The following PPFIBP1 variants were observed in gnomAD, a reference collection of about 807,000 sequenced individuals.
The protein encoded by PPFIBP1 is PPFIB scaffold protein 1.
In PPFIBP1, 112 loss-of-function variants were observed where a neutral mutation model predicts 137.8. The observed-to-expected ratio is 0.81, with a 90% CI of 0.70 to 0.95. The LOEUF (loss-of-function observed/expected upper bound fraction) is 0.95. PPFIBP1 is among the 40% of genes least tolerant of loss of function. The probability of loss-of-function intolerance (pLI) is 0.00; values close to 1 mark genes in which losing one functional copy is unlikely to be tolerated. For missense variants in PPFIBP1, 1,083 were observed against 1,196.6 expected, an observed-to-expected ratio of 0.91 and a Z score of 1.40; for synonymous variants, 378 against 417.3, an observed-to-expected ratio of 0.91 and a Z score of 1.15.
intron 21 of PPFIBP1, among the ~76,000 whole-genome samples, chr12:27,680,558 G>A (rs1200538849): frequency 6.6e-6 from 1 of 152,272 alleles, no homozygotes; most frequent in African/African-American, 2.4e-5. Context: ...AAGTTAATAT[G>A]TGTTAAATAT....
At chr12:27,640,943 A>T (rs546231117) in intron 4 of PPFIBP1, among the ~76,000 whole-genome samples, 2 of 152,306 alleles carry the variant, frequency 1.3e-5, no homozygotes, top group South Asian at 4.1e-4. Context: ...GTAACTAGAG[A>T]TAATGTTTAC....
rs1173009173 is a variant in PPFIBP1, at chr12:27,662,473, AG to A, written c.906+1529del. Among the ~76,000 whole-genome samples, 4 of 152,348 alleles carry A rather than the reference AG, an allele frequency of 2.6e-5. No homozygotes were observed. In the South Asian group the frequency reaches 8.3e-4, roughly 32 times the overall value. On this transcript the variant is annotated intron_variant, in intron 11 of 29. Coordinates refer to ENST00000228425, the MANE Select transcript of PPFIBP1 (RefSeq NM_003622.4). ...GAAGACAGACAAACAGTTAAGAGTCAGTTAAAATAGGTGAGAAATGAAGAGG... is the reference window on the plus strand; with the variant it reads ...GAAGACAGACAAACAGTTAAGAGTCATTAAAATAGGTGAGAAATGAAGAGG...
intron 2 of PPFIBP1, among the ~76,000 whole-genome samples, chr12:27,619,327 T>C (rs1202238566): frequency 6.6e-6 from 1 of 152,192 alleles, no homozygotes; most frequent in South Asian, 2.1e-4. Flanking sequence ...TAAATCTTTG[T>C]TGTGTTGTTT....
At chr12:27,595,402 A>C (rs2053092571) in intron 2 of PPFIBP1, among the ~76,000 whole-genome samples, 1 of 152,150 alleles carries the variant, frequency 6.6e-6, no homozygotes, top group African/African-American at 2.4e-5. Flanking sequence ...TCACATCCCG[A>C]GTCTCAGTGG....
At position 27,687,414 on chromosome 12, in the gene PPFIBP1, T is replaced by C. The variant is rs748874946; in HGVS notation, c.2277T>C (p.Ser759=). Residue 759 remains serine (S), a synonymous_variant, in exon 25 of 30, where the codon AGT becomes AGC. Coordinates refer to ENST00000228425, the MANE Select transcript of PPFIBP1 (RefSeq NM_003622.4). ...VDDLLSLKVV[S]VLHHLSIKRA... The stretch of plus-strand genomic sequence containing the variant: ...ACTTACTGTCTCTGAAGGTTGTAAG[T>C]GTGCTACACCATCTCAGTATCAAAA... 7 of 1,613,946 alleles carry C rather than the reference T, an allele frequency of 4.3e-6. No individual in the cohort carries two copies. Among genetic ancestry groups the C allele is most frequent in the Non-Finnish European group, 5.9e-6 (7 of 1,179,864 alleles).
At chr12:27,659,225 T>C (rs1003466996) in intron 10 of PPFIBP1, among the ~76,000 whole-genome samples, 1 of 152,206 alleles carries the variant, frequency 6.6e-6, no homozygotes, top group Admixed American at 6.5e-5. Flanking sequence ...TGAAATTTGC[T>C]TTTGCTTTTC....
At chr12:27,527,145 T>C (rs780849825) in intron 1 of PPFIBP1, among the ~76,000 whole-genome samples, 1 of 152,230 alleles carries the variant, frequency 6.6e-6, no homozygotes, top group Non-Finnish European at 1.5e-5. Context: ...TAGATTATGT[T>C]GATAATTTGT....
In PPFIBP1 at chr12:27,693,035, T is replaced by C; in HGVS notation, c.*153T>C. On this transcript the variant is annotated 3_prime_UTR_variant, in exon 30 of 30. Coordinates refer to ENST00000228425, the MANE Select transcript of PPFIBP1 (RefSeq NM_003622.4). ...GTTTAAACAGAAAGCAGGAGTAATG[T>C]GCCGATTCTGAAGTTGCCACAAAAA... is the stretch of plus-strand genomic sequence containing the variant. 9 of 1,269,388 alleles carry C rather than the reference T, an allele frequency of 7.1e-6. No homozygotes were observed. The highest frequency in any genetic ancestry group is 9.3e-6 in the Non-Finnish European group (9 of 963,090). The allele number at this position is 1,269,388 out of a possible 1,614,324, so 78.6% of individuals were successfully genotyped here. A position where few individuals can be genotyped will look rare whatever the true frequency, so the allele number is the denominator to read the frequency against.
At chr12:27,613,227 G>A (rs572644718) in intron 2 of PPFIBP1, among the ~76,000 whole-genome samples, 80 of 152,352 alleles carry the variant, frequency 5.3e-4, no homozygotes, top group African/African-American at 1.8e-3. Flanking sequence ...AAGGAGCTGG[G>A]TAGCCAAGAG....
At chr12:27,579,337 C>A (rs572893952) in intron 2 of PPFIBP1, among the ~76,000 whole-genome samples, 2 of 152,222 alleles carry the variant, frequency 1.3e-5, no homozygotes, top group South Asian at 4.1e-4. Flanking sequence ...AAAGTGCACA[C>A]ATCATTAAGT....
At chr12:27,592,532 G>T in intron 2 of PPFIBP1, 1 of 1,246,594 alleles carries the variant, frequency 8.0e-7, no homozygotes, top group Non-Finnish European at 1.2e-6. Flanking sequence ...CGTTTCCTTG[G>T]TGCTGGCTGA....
At chr12:27,641,327 G>A (rs1012700201) in intron 4 of PPFIBP1, among the ~76,000 whole-genome samples, 1 of 152,114 alleles carries the variant, frequency 6.6e-6, no homozygotes, top group African/African-American at 2.4e-5. Flanking sequence ...GCAGAGCTCA[G>A]GAAAGAACAA....
intron 1 of PPFIBP1, among the ~76,000 whole-genome samples, chr12:27,529,006 G>A (rs955139234): frequency 6.6e-6 from 1 of 152,224 alleles, no homozygotes; most frequent in Admixed American, 6.5e-5. Context: ...AGTGTAATGA[G>A]TTCAGAATAG....
At chr12:27,630,490 CTATTA>C (rs2057184282) in intron 2 of PPFIBP1, among the ~76,000 whole-genome samples, 1 of 152,066 alleles carries the variant, frequency 6.6e-6, no homozygotes, top group Non-Finnish European at 1.5e-5. Context: ...CATCCTTTTA[CTATTA>C]TATTTCTTTA....
At chr12:27,556,313 T>C (rs116029689) in intron 1 of PPFIBP1, among the ~76,000 whole-genome samples, 98 of 152,350 alleles carry the variant, frequency 6.4e-4, no homozygotes, top group African/African-American at 2.3e-3. Context: ...AAAATAAATA[T>C]TGTATGACTT....
intron 1 of PPFIBP1, among the ~76,000 whole-genome samples, chr12:27,525,153 A>C (rs1036004328): frequency 6.6e-6 from 1 of 152,154 alleles, no homozygotes; most frequent in Non-Finnish European, 1.5e-5. Context: ...AAGGCGTGGC[A>C]TATAAACTCT....
chr12:27,687,535 G>T lies in PPFIBP1; in HGVS notation c.2370+28G>T. 1.9e-6 allele frequency: 3 copies of T among 1,610,668 alleles called. No individual in the cohort carries two copies. In the South Asian group the frequency reaches 3.3e-5, roughly 18 times the overall value. ...AGTGTTTTAAGATTGAGGTTTATAAGCATGCACTTCCCAGGCATGGGACTG... is the reference window on the plus strand; with the variant it reads ...AGTGTTTTAAGATTGAGGTTTATAATCATGCACTTCCCAGGCATGGGACTG... On this transcript the variant is annotated intron_variant, in intron 25 of 29. Transcript: ENST00000228425.
intron 1 of PPFIBP1, among the ~76,000 whole-genome samples, chr12:27,571,390 A>G (rs991784386): frequency 7.2e-5 from 11 of 152,210 alleles, no homozygotes; most frequent in Non-Finnish European, 1.6e-4. Context: ...TCAATTGCCA[A>G]TTTACCCACC....
At chr12:27,530,178 A>G (rs1246139126) in intron 1 of PPFIBP1, among the ~76,000 whole-genome samples, 6 of 152,262 alleles carry the variant, frequency 3.9e-5, no homozygotes, top group Admixed American at 3.9e-4. Flanking sequence ...GCCTCTTATA[A>G]CAACACAGTA....
Sources: allele counts gnomAD v4.1 joint callset (sites outside exome capture counted in the v4.1 genomes callset), GRCh38; gene constraint gnomAD v4.1.1; transcripts MANE v1.5; gene names NCBI Gene and HGNC (gene_info 2026-07-23, HGNC 2026-07-21).